SLC8A1: variants seen among roughly 807,000 people sequenced by gnomAD.
SLC8A1 encodes sodium/calcium exchanger 1.
Under a neutral mutation model 68.3 loss-of-function variants are expected in SLC8A1, and 18 were observed. The observed-to-expected ratio is 0.26, with a 90% CI of 0.18 to 0.39. SLC8A1 has a LOEUF of 0.39. Ranked by LOEUF, SLC8A1 falls within the 10% of genes least tolerant of loss-of-function variation. SLC8A1 has a pLI of 1.00. For synonymous variants in SLC8A1, 475 were observed against 415.5 expected, an observed-to-expected ratio of 1.14 and a Z score of -1.74; for missense variants, 985 against 1,156.7, an observed-to-expected ratio of 0.85 and a Z score of 2.15.
chr2:40,205,797 G>A (rs395755), intron 2 of SLC8A1, among the ~76,000 whole-genome samples: 113,335 of 147,460 alleles, frequency 0.77, 43,666 homozygotes, highest in Middle Eastern at 0.84. Flanking sequence ...TCTGAACTTA[G>A]AAGTTGAAAA....
intron 2 of SLC8A1, among the ~76,000 whole-genome samples, chr2:40,299,611 G>C (rs1040088663): frequency 6.6e-6 from 1 of 152,166 alleles, no homozygotes; most frequent in African/African-American, 2.4e-5. Context: ...GGACTTGTAA[G>C]GGTGATGATC....
At chr2:40,197,286 T>A (rs2053231411) in intron 2 of SLC8A1, among the ~76,000 whole-genome samples, 1 of 152,020 alleles carries the variant, frequency 6.6e-6, no homozygotes, top group Non-Finnish European at 1.5e-5. Context: ...ACTGCTATTT[T>A]CCCTGAGCTC....
intron 1 of SLC8A1, among the ~76,000 whole-genome samples, chr2:40,493,315 A>T (rs1435686616): frequency 1.8e-5 from 2 of 114,278 alleles, no homozygotes; most frequent in African/African-American, 6.8e-5. Context: ...TGGACACAGG[A>T]AGGGGAACAT....
rs529355095 is a variant in SLC8A1, at chr2:40,260,992, C to T, written c.1809-83137G>A. Among the ~76,000 whole-genome samples, 165 of 152,224 alleles carry T rather than the reference C, an allele frequency of 1.1e-3. 1 individual carries two copies. The highest frequency in any genetic ancestry group is 3.8e-3 in the African/African-American group (157 of 41,512). On this transcript the variant is annotated intron_variant, in intron 2 of 7. Transcript: ENST00000406785. ...GCTAGGAATACAGTTTAGTGAAGAACAGGAAGGGAGAGAGACAGAAGGACT... is the reference window on the plus strand; with the variant it reads ...GCTAGGAATACAGTTTAGTGAAGAATAGGAAGGGAGAGAGACAGAAGGACT...
chr2:40,287,896 G>A (rs1331583177), intron 2 of SLC8A1, among the ~76,000 whole-genome samples: 2 of 152,032 alleles, frequency 1.3e-5, no homozygotes, highest in East Asian at 3.9e-4. Flanking sequence ...GGCTCCTGCA[G>A]GGATTCTGGA....
At chr2:40,389,535 G>A (rs1684629758) in intron 2 of SLC8A1, among the ~76,000 whole-genome samples, 1 of 151,850 alleles carries the variant, frequency 6.6e-6, no homozygotes, top group Admixed American at 6.6e-5. Context: ...AAATCATTGT[G>A]TCAGTTACCA....
intron 2 of SLC8A1, among the ~76,000 whole-genome samples, chr2:40,321,871 C>G (rs191223364): frequency 3.3e-5 from 5 of 152,188 alleles, no homozygotes; most frequent in Admixed American, 3.3e-4. Flanking sequence ...ACCTGAGATA[C>G]TAGTATGTAA....
intron 6 of SLC8A1, among the ~76,000 whole-genome samples, chr2:40,153,842 C>T (rs1573253643): frequency 6.6e-6 from 1 of 152,336 alleles, no homozygotes; most frequent in Non-Finnish European, 1.5e-5. Context: ...CTTTCTAGGA[C>T]TGATTCTATT....
intron 2 of SLC8A1, among the ~76,000 whole-genome samples, chr2:40,188,623 G>A (rs1241169507): frequency 6.6e-6 from 1 of 152,160 alleles, no homozygotes; most frequent in Non-Finnish European, 1.5e-5. Context: ...AAGTGTCAAG[G>A]AAAACTCTGG....
At chr2:40,439,207 C>T (rs1239724754) in intron 1 of SLC8A1, among the ~76,000 whole-genome samples, 1 of 152,014 alleles carries the variant, frequency 6.6e-6, no homozygotes, top group Non-Finnish European at 1.5e-5. Flanking sequence ...CATGATGTTG[C>T]TGCAGGTGTT....
intron 2 of SLC8A1, among the ~76,000 whole-genome samples, chr2:40,418,044 AAT>A (rs1365609669): frequency 6.6e-6 from 1 of 152,198 alleles, no homozygotes; most frequent in Non-Finnish European, 1.5e-5. Context: ...GATTTAAAAG[AAT>A]ATAGTTTACA....
chr2:40,434,309 T>A (rs563333245), intron 1 of SLC8A1, among the ~76,000 whole-genome samples: 18 of 152,232 alleles, frequency 1.2e-4, no homozygotes, highest in African/African-American at 4.3e-4. Context: ...TTATTGGCAA[T>A]GAAGCAATTG....
intron 2 of SLC8A1, among the ~76,000 whole-genome samples, chr2:40,334,427 T>G (rs933824365): frequency 1.3e-5 from 2 of 152,202 alleles, no homozygotes; most frequent in African/African-American, 4.8e-5. Context: ...AATGACAATA[T>G]TTTTTACAGC....
intron 2 of SLC8A1, among the ~76,000 whole-genome samples, chr2:40,275,134 A>G (rs2066533084): frequency 6.6e-6 from 1 of 152,228 alleles, no homozygotes; most frequent in Non-Finnish European, 1.5e-5. Flanking sequence ...CTCACATTTT[A>G]TAATTGAGTT....
chr2:40,448,837 C>G (rs1701916593), intron 1 of SLC8A1, among the ~76,000 whole-genome samples: 1 of 151,806 alleles, frequency 6.6e-6, no homozygotes, highest in Admixed American at 6.6e-5. Flanking sequence ...GGGGCAAAAA[C>G]AAAAAGATAA....
chr2:40,272,656 C>T (rs1318959308), intron 2 of SLC8A1, among the ~76,000 whole-genome samples: 2 of 152,210 alleles, frequency 1.3e-5, no homozygotes, highest in African/African-American at 2.4e-5. Flanking sequence ...GCACACAGTT[C>T]GAGTTCCCAG....
intron 1 of SLC8A1, among the ~76,000 whole-genome samples, chr2:40,463,953 G>A (rs1703504704): frequency 6.6e-6 from 1 of 151,780 alleles, no homozygotes; most frequent in African/African-American, 2.4e-5. Context: ...AGAATGAAGT[G>A]ACGTGATATT....
intron 1 of SLC8A1, among the ~76,000 whole-genome samples, chr2:40,472,747 C>A (rs528938013): frequency 4.0e-4 from 61 of 152,266 alleles, no homozygotes; most frequent in African/African-American, 1.4e-3. Flanking sequence ...ATAAAACTTT[C>A]TGTCCTCATG....
intron 2 of SLC8A1, among the ~76,000 whole-genome samples, chr2:40,380,638 T>C (rs41322444): frequency 0.083 from 12,650 of 152,122 alleles, 1,709 homozygotes; most frequent in African/African-American, 0.29. Context: ...CAAAATAAAG[T>C]AGCTTACGGC....
Sources: gnomAD v4.1 joint callset for allele counts (sites outside exome capture counted in the v4.1 genomes callset) on GRCh38, gnomAD v4.1.1 for gene constraint, MANE v1.5 for transcripts, NCBI Gene and HGNC (gene_info 2026-07-23, HGNC 2026-07-21) for gene names.